The following KANK1 variants were observed in gnomAD, a reference collection of about 807,000 sequenced individuals.
KANK1 encodes KN motif and ankyrin repeat domain-containing protein 1.
A neutral mutation model predicts 106.2 loss-of-function variants in KANK1; 109 were observed. The observed-to-expected ratio is 1.03, with a 90% CI of 0.88 to 1.20. The LOEUF (loss-of-function observed/expected upper bound fraction) is 1.20. KANK1 is among the 50% of genes most tolerant of loss of function. The pLI, the probability that KANK1 is intolerant of heterozygous loss-of-function variation, is 0.00. For synonymous variants in KANK1, 873 were observed against 652.2 expected (o/e 1.34, Z -5.16); for missense variants, 2,399 against 1,710.7 (o/e 1.40, Z -7.10).
At chr9:518,390 A>T (rs1043594235) in intron 1 of KANK1, among the ~76,000 whole-genome samples, 1 of 149,630 alleles carries the variant, frequency 6.7e-6, no homozygotes, top group Non-Finnish European at 1.5e-5. Context: ...TCCCTCCTTG[A>T]CCCCCAGTGG....
intron 1 of KANK1, among the ~76,000 whole-genome samples, chr9:521,082 T>C (rs562920428): frequency 1.3e-5 from 2 of 151,954 alleles, no homozygotes; most frequent in South Asian, 4.1e-4. Flanking sequence ...ACTGATGAAC[T>C]GTTGCTGATG....
chr9:504,796 CGA>C (rs1564132642), intron 1 of KANK1, 42 bp downstream of exon 1: 6 of 9,688 alleles, frequency 6.2e-4, no homozygotes, highest in African/African-American at 1.2e-3. Flanking sequence ...CGTGCCGCGG[CGA>C]GGTTGTCCCG....
chr9:582,976 G>A (rs1822543553), intron 1 of KANK1, among the ~76,000 whole-genome samples: 1 of 152,182 alleles, frequency 6.6e-6, no homozygotes, highest in Non-Finnish European at 1.5e-5. Context: ...TTGGCTCCTA[G>A]CCAAAAATAT....
chr9:669,834 A>G (rs80275953), intron 1 of KANK1, among the ~76,000 whole-genome samples: 294 of 152,200 alleles, frequency 1.9e-3, no homozygotes, highest in Admixed American at 3.1e-3. Context: ...CTCTTGCTCA[A>G]CTTTCTCTTG....
chr9:549,659 C>G (rs769990243), intron 1 of KANK1: 1 of 152,574 alleles, frequency 6.6e-6, no homozygotes, highest in Admixed American at 6.5e-5. Context: ...AGAGAAGCCA[C>G]CTTTTCCTCC....
At chr9:556,383 T>A (rs1195879822) in intron 1 of KANK1, among the ~76,000 whole-genome samples, 3 of 152,198 alleles carry the variant, frequency 2.0e-5, no homozygotes, top group African/African-American at 7.2e-5. Flanking sequence ...TTCTGAGTTG[T>A]GCTCTCCTCT....
intron 1 of KANK1, among the ~76,000 whole-genome samples, chr9:654,166 G>C (rs1223906956): frequency 6.6e-6 from 1 of 152,144 alleles, no homozygotes; most frequent in African/African-American, 2.4e-5. Flanking sequence ...ACTGATGACT[G>C]GACTTACCTG....
chr9:589,113 T>C (rs567016563), intron 1 of KANK1, among the ~76,000 whole-genome samples: 7 of 152,298 alleles, frequency 4.6e-5, no homozygotes, highest in African/African-American at 1.4e-4. Context: ...ATAACAGGAA[T>C]AACTAGAATG....
At chr9:694,159 T>C (rs1457940930) in intron 2 of KANK1, among the ~76,000 whole-genome samples, 2 of 152,222 alleles carry the variant, frequency 1.3e-5, no homozygotes, top group Non-Finnish European at 2.9e-5. Flanking sequence ...AGCTGGCTTC[T>C]TGTATAAACA....
chr9:721,635 G>A (rs1829371173), intron 3 of KANK1, among the ~76,000 whole-genome samples: 1 of 152,160 alleles, frequency 6.6e-6, no homozygotes, highest in Non-Finnish European at 1.5e-5. Flanking sequence ...TTTTGGATAA[G>A]GTCATCTGCT....
Position 659,755 on chromosome 9 carries a change from C to G in KANK1, c.-83-17135C>G, listed in dbSNP as rs138826524. Among the ~76,000 whole-genome samples the G allele has an allele frequency of 2.9e-3, 439 of 151,928 alleles. 7 individuals are homozygous for G. Among genetic ancestry groups the G allele is most frequent in the African/African-American group, 0.01 (418 of 41,396 alleles). On this transcript the variant is annotated intron_variant, in intron 1 of 11. Coordinates refer to ENST00000382297, the MANE Select transcript of KANK1 (RefSeq NM_015158.5). ...CAAACAACCAGTTCTCGGGGGAAGT[C>G]CGCCCCCATGATCTAATCACTTCCC...
At chr9:521,111 TG>T (rs2059528603) in intron 1 of KANK1, among the ~76,000 whole-genome samples, 1 of 151,836 alleles carries the variant, frequency 6.6e-6, no homozygotes, top group Non-Finnish European at 1.5e-5. Flanking sequence ...AGGAAATTTC[TG>T]TCTTATATAA....
intron 1 of KANK1, among the ~76,000 whole-genome samples, chr9:586,649 C>T (rs1268797468): frequency 6.6e-6 from 1 of 152,104 alleles, no homozygotes; most frequent in East Asian, 1.9e-4. Context: ...TTAAAAAATA[C>T]ATAAAAATAG....
Position 711,686 on chromosome 9 carries a change from A to G in KANK1, c.920A>G (p.Asn307Ser), listed in dbSNP as rs1382191657. 2 of 1,613,976 alleles carry G rather than the reference A, an allele frequency of 1.2e-6. No individual in the cohort carries two copies. Among genetic ancestry groups the G allele is most frequent in the Non-Finnish European group, 1.7e-6 (2 of 1,180,020 alleles). The change falls in exon 3 of 12, where the codon AAC (asparagine) becomes AGC (serine). Residue 307 changes from asparagine (N) to serine (S), a missense_variant. Physicochemically the swap from Asn to Ser is conservative, Grantham distance 46. Coordinates refer to ENST00000382297, the MANE Select transcript of KANK1 (RefSeq NM_015158.5). Reference sequence around the variant, plus strand: ...AGGCAGTTGGTCTCACAGCTGAAAAACCAAAGGGCTGCATCCCAGATCAAT... The same window carrying G: ...AGGCAGTTGGTCTCACAGCTGAAAAGCCAAAGGGCTGCATCCCAGATCAAT... ...EKRQLVSQLK[N>S]QRAASQINVC...
chr9:625,575 G>C (rs1048248110), intron 1 of KANK1, among the ~76,000 whole-genome samples: 40 of 151,324 alleles, frequency 2.6e-4, no homozygotes, highest in Admixed American at 2.6e-3. Context: ...TCTTGTGCGA[G>C]GAGTATCTGG....
At position 693,802 on chromosome 9, in the gene KANK1, C is replaced by T. The variant is rs923486556; in HGVS notation, c.37+16793C>T. On this transcript the variant is annotated intron_variant, in intron 2 of 11. Coordinates refer to ENST00000382297, the MANE Select transcript of KANK1 (RefSeq NM_015158.5). ...TTCTGGGTGGGTAAGTAAGAATGCC[C>T]ACAAAAGAAAGAGAGGAGGAGAGCA... The T allele has an allele frequency of 1.5e-5, 15 of 985,104 alleles. No homozygotes were observed. In the South Asian group the frequency reaches 5.6e-4, roughly 37 times the overall value. The allele number at this position is 985,104 out of a possible 1,614,324, so 61.0% of individuals were successfully genotyped here.
At chr9:663,860 A>C (rs942789499) in intron 1 of KANK1, among the ~76,000 whole-genome samples, 1 of 152,154 alleles carries the variant, frequency 6.6e-6, no homozygotes, top group African/African-American at 2.4e-5. Context: ...CATGATGTAG[A>C]ATGGATGAGC....
rs114816935 is a variant in KANK1 at position 610,883 on chromosome 9, A to T, written c.-83-66007A>T. Among the ~76,000 whole-genome samples, 791 of 152,282 alleles carry T rather than the reference A, an allele frequency of 5.2e-3. 5 individuals are homozygous for T. Among genetic ancestry groups the T allele is most frequent in the African/African-American group, 0.018 (749 of 41,544 alleles). ...GAGACTGGGCAAAGGGAAAGAGGCCAGTACGCAAGAGTGCTGTTTATAAAT... is the reference window on the plus strand; with the variant it reads ...GAGACTGGGCAAAGGGAAAGAGGCCTGTACGCAAGAGTGCTGTTTATAAAT... On this transcript the variant is annotated intron_variant, in intron 1 of 11. Coordinates refer to ENST00000382297, the MANE Select transcript of KANK1 (RefSeq NM_015158.5).
At chr9:624,396 CTATATT>C (rs1370325135) in intron 1 of KANK1, among the ~76,000 whole-genome samples, 2 of 152,230 alleles carry the variant, frequency 1.3e-5, no homozygotes, top group African/African-American at 2.4e-5. Flanking sequence ...AATATGCAAT[CTATATT>C]TATATCAAAT....
Sources: gnomAD v4.1 joint callset for allele counts (sites outside exome capture counted in the v4.1 genomes callset) on GRCh38, gnomAD v4.1.1 for gene constraint, MANE v1.5 for transcripts, NCBI Gene and HGNC (gene_info 2026-07-23, HGNC 2026-07-21) for gene names.